CLDN16: variants seen among roughly 807,000 people sequenced by gnomAD.
CLDN16 encodes claudin-16.
CLDN16 carries 13 observed loss-of-function variants against 24.6 expected under a neutral mutation model. That is an observed-to-expected ratio of 0.53 (90% CI 0.34 to 0.84). CLDN16 has a LOEUF of 0.84. CLDN16 is among the 40% of genes least tolerant of loss of function. The probability of loss-of-function intolerance (pLI) is 0.01; values close to 1 mark genes in which losing one functional copy is unlikely to be tolerated. For missense variants in CLDN16, 298 were observed against 292.7 expected (o/e 1.02, Z -0.13); for synonymous variants, 116 against 106.7 (o/e 1.09, Z -0.54).
At chr3:190,366,505 G>A (rs548010980) in intron 1 of CLDN16, among the ~76,000 whole-genome samples, 1 of 152,104 alleles carries the variant, frequency 6.6e-6, no homozygotes, top group Admixed American at 6.6e-5. Context: ...TGGGGAAACA[G>A]ACTCTCAACT....
chr3:190,335,697 CAAGACTCCATCAAA>C (rs1376285488), intron 1 of CLDN16, among the ~76,000 whole-genome samples: 1 of 100,210 alleles, frequency 1.0e-5, no homozygotes, highest in Non-Finnish European at 1.8e-5. Flanking sequence ...GGTGACAGAG[CAAGACTCCATCAAA>C]AAAAAAAAAA....
intron 1 of CLDN16, among the ~76,000 whole-genome samples, chr3:190,361,807 A>G (rs1399910720): frequency 6.6e-6 from 1 of 151,944 alleles, no homozygotes; most frequent in Non-Finnish European, 1.5e-5. Flanking sequence ...GAATTCCAGC[A>G]GCTGTGCCAA....
At chr3:190,385,464 T>A (rs138144725), upstream of CLDN16, among the ~76,000 whole-genome samples, 4 of 152,196 alleles carry the variant, frequency 2.6e-5, no homozygotes, top group African/African-American at 9.7e-5. Flanking sequence ...CTAAGAGTAG[T>A]AAACTTAAAT....
chr3:190,342,094 C>T (rs1717450920), intron 1 of CLDN16, among the ~76,000 whole-genome samples: 1 of 152,216 alleles, frequency 6.6e-6, no homozygotes, highest in African/African-American at 2.4e-5. Context: ...TTCCTGTCTT[C>T]TTCTGAGCCC....
chr3:190,335,534 G>A (rs892420844), intron 1 of CLDN16, among the ~76,000 whole-genome samples: 1 of 151,860 alleles, frequency 6.6e-6, no homozygotes, highest in African/African-American at 2.4e-5. Context: ...CCAACATGGT[G>A]AAACCCTGTC....
the CLDN16 span, among the ~76,000 whole-genome samples, chr3:190,301,039 C>G: frequency 6.6e-6 from 1 of 152,288 alleles, no homozygotes; most frequent in Non-Finnish European, 1.5e-5. Context: ...ATCCAAATAT[C>G]CAAAGACTGG....
At chr3:190,364,678 G>A (rs1717979978) in intron 1 of CLDN16, among the ~76,000 whole-genome samples, 1 of 151,870 alleles carries the variant, frequency 6.6e-6, no homozygotes, top group Non-Finnish European at 1.5e-5. Flanking sequence ...TGGTAAGGCT[G>A]CCTGCACTGC....
intron 3 of CLDN16, among the ~76,000 whole-genome samples, chr3:190,377,310 TA>T (rs1336407649): frequency 1.3e-5 from 2 of 151,998 alleles, no homozygotes; most frequent in Non-Finnish European, 2.9e-5. Context: ...ATGCTGCTGC[TA>T]ATGCATTTGA....
upstream of CLDN16, among the ~76,000 whole-genome samples, chr3:190,386,283 T>A (rs1016142674): frequency 9.2e-5 from 14 of 152,292 alleles, no homozygotes; most frequent in Admixed American, 6.5e-4. Context: ...GGTATTTTTT[T>A]TCCAACTGTT....
At chr3:190,408,287 A>G (rs775815954) in intron 3 of CLDN16, 27 bp from the exon 4 acceptor site, 2 of 1,605,156 alleles carry the variant, frequency 1.2e-6, no homozygotes, top group South Asian at 2.2e-5. Context: ...GTCCCCTATT[A>G]TTTGTAGCAT....
the CLDN16 span, among the ~76,000 whole-genome samples, chr3:190,297,609 TAATATCTATAATATAA>T: frequency 3.0e-5 from 4 of 133,302 alleles, no homozygotes; most frequent in East Asian, 2.4e-4. Context: ...TATATATCTA[TAATATCTATAATATAA>T]TATATAATAT....
chr3:190,362,418 C>G (rs530887294), intron 1 of CLDN16, among the ~76,000 whole-genome samples: 1 of 152,000 alleles, frequency 6.6e-6, no homozygotes, highest in Admixed American at 6.6e-5. Flanking sequence ...GTGATTCCAC[C>G]TTCAACCTGA....
At chr3:190,324,822 G>A (rs1717024383) in intron 1 of CLDN16, among the ~76,000 whole-genome samples, 1 of 152,108 alleles carries the variant, frequency 6.6e-6, no homozygotes, top group Non-Finnish European at 1.5e-5. Flanking sequence ...GTGAGATAAT[G>A]GCTCAGCATA....
chr3:190,370,689 G>T (rs1220075346), intron 1 of CLDN16, among the ~76,000 whole-genome samples: 1 of 151,958 alleles, frequency 6.6e-6, no homozygotes, highest in Non-Finnish European at 1.5e-5. Flanking sequence ...AGGATGCAAA[G>T]TATTGATTCC....
chr3:190,318,224 TG>T (rs1344139615), upstream of CLDN16, among the ~76,000 whole-genome samples: 1 of 152,216 alleles, frequency 6.6e-6, no homozygotes, highest in African/African-American at 2.4e-5. Flanking sequence ...CTTTTCAGGA[TG>T]TCCTCAGAAG....
intron 1 of CLDN16, among the ~76,000 whole-genome samples, chr3:190,367,530 A>G (rs1193901167): frequency 6.6e-6 from 1 of 152,008 alleles, no homozygotes; most frequent in Non-Finnish European, 1.5e-5. Context: ...TATTAGGATT[A>G]GAGGAGAATC....
intron 3 of CLDN16, among the ~76,000 whole-genome samples, chr3:190,406,442 C>T (rs2378569): frequency 0.18 from 26,603 of 151,980 alleles, 2,701 homozygotes; most frequent in Middle Eastern, 0.27. Context: ...TTTGAGCTAT[C>T]ATCAGTAAAT....
intron 2 of CLDN16, among the ~76,000 whole-genome samples, chr3:190,403,712 G>C (rs575446989): frequency 6.6e-5 from 10 of 152,198 alleles, no homozygotes; most frequent in East Asian, 1.9e-4. Flanking sequence ...AGTTGGGTGC[G>C]TGGAACATTT....
At chr3:190,323,681 G>A (rs1354213284) in intron 1 of CLDN16, among the ~76,000 whole-genome samples, 1 of 152,148 alleles carries the variant, frequency 6.6e-6, no homozygotes, top group Non-Finnish European at 1.5e-5. Flanking sequence ...CTGCTAGTTG[G>A]TGACAGAGAA....
Sources: allele counts gnomAD v4.1 joint callset (sites outside exome capture counted in the v4.1 genomes callset), GRCh38; gene constraint gnomAD v4.1.1; transcripts MANE v1.5; gene names NCBI Gene and HGNC (gene_info 2026-07-23, HGNC 2026-07-21).